The following ADGRD1 variants were observed in gnomAD, a reference collection of about 807,000 sequenced individuals.
ADGRD1 encodes the protein adhesion G protein-coupled receptor D1, also known as G-protein coupled receptor 133.
Under a neutral mutation model 113.4 loss-of-function variants are expected in ADGRD1, and 77 were observed. That is an observed-to-expected ratio of 0.68 (90% CI 0.57 to 0.82). The LOEUF (loss-of-function observed/expected upper bound fraction) is 0.82, where lower values mean the gene tolerates loss of function less well. ADGRD1 is among the 40% of genes least tolerant of loss of function. The pLI is 0.00. For synonymous variants in ADGRD1, 474 were observed against 475.0 expected (o/e 1.00, Z 0.03); for missense variants, 1,036 against 1,139.1 (o/e 0.91, Z 1.30).
At chr12:131,031,820 C>T (rs901940762) in intron 13 of ADGRD1, among the ~76,000 whole-genome samples, 4 of 152,172 alleles carry the variant, frequency 2.6e-5, no homozygotes, top group Non-Finnish European at 4.4e-5. Flanking sequence ...ACCAAACATC[C>T]GGGTCACTTC....
intron 2 of ADGRD1, among the ~76,000 whole-genome samples, chr12:130,956,008 C>T (rs1341152552): frequency 6.6e-6 from 1 of 152,210 alleles, no homozygotes; most frequent in Non-Finnish European, 1.5e-5. Flanking sequence ...AGGCTGGTCT[C>T]GATCTCCTGA....
chr12:130,972,585 G>A (rs1214794241), intron 4 of ADGRD1, among the ~76,000 whole-genome samples: 1 of 152,066 alleles, frequency 6.6e-6, no homozygotes, highest in Non-Finnish European at 1.5e-5. Context: ...AGTTCAAGCA[G>A]CTCCATAAAC....
chr12:131,123,738 C>G (rs562517560), intron 20 of ADGRD1, among the ~76,000 whole-genome samples: 1 of 151,386 alleles, frequency 6.6e-6, no homozygotes, highest in East Asian at 2.0e-4. Context: ...AGGAAAATGG[C>G]GTGAACCCGG....
Position 131,014,417 on chromosome 12 carries a change from C to T in ADGRD1, c.1473+77C>T, listed in dbSNP as rs543341209. On this transcript the variant is annotated intron_variant, in intron 13 of 24. Coordinates refer to ENST00000261654, the MANE Select transcript of ADGRD1 (RefSeq NM_198827.5). ...TGAGGAATGCTGGGTTGTCTGTGTGCTTGCATAAAGAATCTCCAACAGCCT... is the reference window on the plus strand; with the variant it reads ...TGAGGAATGCTGGGTTGTCTGTGTGTTTGCATAAAGAATCTCCAACAGCCT... The T allele has an allele frequency of 4.5e-6, 6 of 1,341,840 alleles. No homozygotes were observed. The East Asian group carries it at 1.2e-4, about 28-fold the overall frequency. 83.1% of individuals were successfully genotyped at this position (1,341,840 alleles called of 1,614,324 possible). A position where few individuals can be genotyped will look rare whatever the true frequency, so the allele number is the denominator to read the frequency against.
intron 13 of ADGRD1, among the ~76,000 whole-genome samples, chr12:131,033,356 C>T (rs1359286898): frequency 6.6e-6 from 1 of 152,246 alleles, no homozygotes; most frequent in Non-Finnish European, 1.5e-5. Context: ...ATGCACCCCA[C>T]AAGCACTGCC....
intron 13 of ADGRD1, among the ~76,000 whole-genome samples, chr12:131,015,837 C>G (rs540320001): frequency 6.6e-6 from 1 of 152,366 alleles, no homozygotes; most frequent in African/African-American, 2.4e-5. Flanking sequence ...CTGCTCCATT[C>G]TCCCCACAGT....
intron 5 of ADGRD1, among the ~76,000 whole-genome samples, chr12:130,983,378 T>C (rs1873251307): frequency 6.6e-6 from 1 of 152,166 alleles, no homozygotes; most frequent in African/African-American, 2.4e-5. Flanking sequence ...AGGTCAGAAA[T>C]AATCTCTGCC....
intron 13 of ADGRD1, among the ~76,000 whole-genome samples, chr12:131,044,854 C>T (rs920299291): frequency 2.6e-5 from 4 of 152,246 alleles, no homozygotes; most frequent in Admixed American, 6.5e-5. Flanking sequence ...AAAATGAAAC[C>T]GAAACCCGAA....
chr12:131,127,775 G>A, intron 20 of ADGRD1, among the ~76,000 whole-genome samples: 1 of 140,406 alleles, frequency 7.1e-6, no homozygotes, highest in Non-Finnish European at 1.6e-5. Flanking sequence ...GTGGGGTGTT[G>A]GTTGTGTTGG....
chr12:130,979,020 C>T (rs1291434058), intron 4 of ADGRD1, among the ~76,000 whole-genome samples: 2 of 152,120 alleles, frequency 1.3e-5, no homozygotes, highest in Non-Finnish European at 2.9e-5. Context: ...GCTTCTGTAC[C>T]CCTCAGCGCC....
At chr12:131,051,171 G>T (rs983566161) in intron 13 of ADGRD1, among the ~76,000 whole-genome samples, 3 of 152,214 alleles carry the variant, frequency 2.0e-5, no homozygotes, top group African/African-American at 4.8e-5. Context: ...CTGCCCAGCT[G>T]GGGGAGGAAG....
chr12:131,079,833 C>T (rs1216933690), intron 14 of ADGRD1, among the ~76,000 whole-genome samples: 1 of 152,146 alleles, frequency 6.6e-6, no homozygotes, highest in African/African-American at 2.4e-5. Flanking sequence ...TCCCATTTCA[C>T]TTTTTTATCT....
intron 15 of ADGRD1, among the ~76,000 whole-genome samples, chr12:131,101,377 C>CTTTTTTTTTTTTTTTTTTTTTTTTT (rs71095334): frequency 1.1e-4 from 4 of 36,134 alleles, no homozygotes; most frequent in African/African-American, 1.8e-4. Context: ...TTCTTTCTTT[C>CTTTTTTTTTTTTTTTTTTTTTTTTT]TTTTTTTTTT....
chr12:131,010,052 C>T (rs927915522), intron 12 of ADGRD1, among the ~76,000 whole-genome samples: 2 of 152,238 alleles, frequency 1.3e-5, no homozygotes, highest in Non-Finnish European at 2.9e-5. Context: ...CAGAGAACAA[C>T]GTCACCTGGG....
chr12:130,997,136 G>A (rs1167061276), intron 8 of ADGRD1, among the ~76,000 whole-genome samples: 1 of 126,466 alleles, frequency 7.9e-6, no homozygotes, highest in Non-Finnish European at 1.7e-5. Context: ...CGGGCGGGGG[G>A]CTGATCCCCC....
intron 15 of ADGRD1, among the ~76,000 whole-genome samples, chr12:131,090,841 G>C (rs1008992920): frequency 6.6e-6 from 1 of 152,186 alleles, no homozygotes; most frequent in Non-Finnish European, 1.5e-5. Flanking sequence ...AAGGGCACAG[G>C]CATTTTGATT....
At chr12:130,992,499 T>C (rs1874552321) in intron 8 of ADGRD1, 107 bp downstream of exon 8, 3 of 1,010,644 alleles carry the variant, frequency 3.0e-6, no homozygotes, top group Admixed American at 4.7e-5. Context: ...GCAGGAACTT[T>C]TACTGAAACG....
rs865964386 is a variant in ADGRD1, at chr12:131,078,452, T to G, written c.1547+1578T>G. Reference sequence around the variant, plus strand: ...GTCAGGCTCAGCAGGTTGCAGCTCTTTTTCCTTTATTTGTAAATTGTGAAA... The same window carrying G: ...GTCAGGCTCAGCAGGTTGCAGCTCTGTTTCCTTTATTTGTAAATTGTGAAA... On this transcript the variant is annotated intron_variant, in intron 14 of 24. Transcript: ENST00000261654. Among the ~76,000 whole-genome samples, 7 of 152,344 alleles carry G rather than the reference T, an allele frequency of 4.6e-5. No individual in the cohort carries two copies. In the South Asian group the frequency reaches 8.3e-4, roughly 18 times the overall value.
chr12:131,120,274 G>C (rs1332789626), intron 19 of ADGRD1, among the ~76,000 whole-genome samples: 1 of 152,206 alleles, frequency 6.6e-6, no homozygotes, highest in East Asian at 1.9e-4. Flanking sequence ...AGGCTCTGGA[G>C]ATAAAATTGT....
Sources: gnomAD v4.1 joint callset for allele counts (sites outside exome capture counted in the v4.1 genomes callset) on GRCh38, gnomAD v4.1.1 for gene constraint, MANE v1.5 for transcripts, NCBI Gene and HGNC (gene_info 2026-07-23, HGNC 2026-07-21) for gene names.